The following STAG1 variants were observed in gnomAD, a reference collection of about 807,000 sequenced individuals.
STAG1 encodes the protein cohesin subunit SA-1.
A neutral mutation model predicts 170.9 loss-of-function variants in STAG1; 26 were observed. That is an observed-to-expected ratio of 0.15 (90% CI 0.11 to 0.21). STAG1 has a LOEUF of 0.21. Among genes scored for constraint, STAG1 ranks in the 10% least tolerant of loss-of-function variants. STAG1 has a pLI of 1.00. For missense variants in STAG1, 964 were observed against 1,509.5 expected, an observed-to-expected ratio of 0.64 and a Z score of 5.99; for synonymous variants, 514 against 497.7, an observed-to-expected ratio of 1.03 and a Z score of -0.44.
chr3:136,529,216 G>A (rs1385691764), intron 6 of STAG1, among the ~76,000 whole-genome samples: 1 of 152,070 alleles, frequency 6.6e-6, no homozygotes, highest in Non-Finnish European at 1.5e-5. Flanking sequence ...AAGACAGAAT[G>A]AAAGCATTTT....
chr3:136,451,128 C>T (rs2088926540), intron 14 of STAG1, among the ~76,000 whole-genome samples: 1 of 151,138 alleles, frequency 6.6e-6, no homozygotes, highest in African/African-American at 2.4e-5. Flanking sequence ...ACTGTTTCTC[C>T]AATGACACGG....
intron 27 of STAG1, 105 bp from the exon 28 acceptor site, chr3:136,357,953 G>A: frequency 1.1e-6 from 1 of 938,550 alleles, no homozygotes; most frequent in African/African-American, 1.7e-5. Context: ...ATCACAAAAG[G>A]TAGTAAAATC....
chr3:136,391,838 C>T (rs2087019007), intron 22 of STAG1, among the ~76,000 whole-genome samples: 1 of 152,210 alleles, frequency 6.6e-6, no homozygotes, highest in Non-Finnish European at 1.5e-5. Context: ...TTAGCATAAC[C>T]TGTAAGACTG....
chr3:136,456,593 A>G (rs774807985), intron 13 of STAG1, among the ~76,000 whole-genome samples: 1 of 152,232 alleles, frequency 6.6e-6, no homozygotes, highest in African/African-American at 2.4e-5. Flanking sequence ...AAGCATATTA[A>G]AAGAGTAAGG....
rs1933354091 is a variant in STAG1, at chr3:136,722,650, C to G, written c.-84+29545G>C. Among the ~76,000 whole-genome samples the G allele has an allele frequency of 5.5e-5, 8 of 145,710 alleles. No individual in the cohort carries two copies. In the South Asian group the frequency reaches 1.6e-3, roughly 29 times the overall value. On this transcript the variant is annotated intron_variant, in intron 1 of 33. Coordinates refer to ENST00000383202, the MANE Select transcript of STAG1 (RefSeq NM_005862.3). ...TCCCTCTCCCTCTCCCCCTCCCTCT[C>G]CCCTCTCCCTTCTCCCCTCTCCCTC...
chr3:136,372,711 G>C (rs536192897), intron 23 of STAG1, among the ~76,000 whole-genome samples: 1 of 152,278 alleles, frequency 6.6e-6, no homozygotes, highest in East Asian at 1.9e-4. Context: ...CTTGATCATG[G>C]TGGATAAGCT....
chr3:136,579,376 G>A (rs938418876), intron 4 of STAG1, among the ~76,000 whole-genome samples: 3 of 147,296 alleles, frequency 2.0e-5, no homozygotes, highest in Non-Finnish European at 4.5e-5. Context: ...TGTGGATTCA[G>A]GAATCTGAAC....
At chr3:136,490,732 T>A (rs951408620) in intron 9 of STAG1, among the ~76,000 whole-genome samples, 5 of 152,208 alleles carry the variant, frequency 3.3e-5, no homozygotes, top group African/African-American at 1.2e-4. Flanking sequence ...TAAGAATAGC[T>A]CTGAAAATAT....
chr3:136,633,356 A>C (rs1329578304), intron 1 of STAG1, among the ~76,000 whole-genome samples: 1 of 152,252 alleles, frequency 6.6e-6, no homozygotes, highest in African/African-American at 2.4e-5. Flanking sequence ...TAAGACATTC[A>C]TAGAAAAATA....
At chr3:136,736,301 C>CT in intron 1 of STAG1, among the ~76,000 whole-genome samples, 1 of 152,180 alleles carries the variant, frequency 6.6e-6, no homozygotes, top group East Asian at 1.9e-4. Flanking sequence ...AGGGGAAGGC[C>CT]TTTTTTTAAA....
At chr3:136,434,878 T>G (rs1262913472) in intron 15 of STAG1, among the ~76,000 whole-genome samples, 1 of 152,208 alleles carries the variant, frequency 6.6e-6, no homozygotes, top group Non-Finnish European at 1.5e-5. Context: ...TTTAACCTAT[T>G]TGGCATTTAT....
chr3:136,653,508 T>A (rs1941283090), intron 1 of STAG1, among the ~76,000 whole-genome samples: 1 of 152,216 alleles, frequency 6.6e-6, no homozygotes, highest in African/African-American at 2.4e-5. Flanking sequence ...CTAACCCATT[T>A]ATATAACATT....
At chr3:136,381,024 G>GAAAAAAA (rs1196287485) in intron 22 of STAG1, among the ~76,000 whole-genome samples, 1 of 73,146 alleles carries the variant, frequency 1.4e-5, no homozygotes. Context: ...ACCCTGTCTC[G>GAAAAAAA]AAAAAAAAAA....
chr3:136,733,861 G>A (rs1225636298), intron 1 of STAG1, among the ~76,000 whole-genome samples: 7 of 152,178 alleles, frequency 4.6e-5, no homozygotes, highest in Non-Finnish European at 8.8e-5. Flanking sequence ...TAATCCCAGC[G>A]CTTCAGGAGG....
intron 7 of STAG1, among the ~76,000 whole-genome samples, chr3:136,508,370 G>A (rs1933875755): frequency 6.6e-6 from 1 of 152,072 alleles, no homozygotes; most frequent in African/African-American, 2.4e-5. Flanking sequence ...TTCTAGAGAG[G>A]AAATGTTTGC....
intron 1 of STAG1, among the ~76,000 whole-genome samples, chr3:136,697,309 T>A (rs1240420813): frequency 1.3e-5 from 2 of 152,190 alleles, no homozygotes; most frequent in African/African-American, 4.8e-5. Context: ...CAGGGTACAG[T>A]TCTCAAAGTG....
chr3:136,415,721 C>T (rs1480657553), intron 21 of STAG1, among the ~76,000 whole-genome samples: 1 of 152,134 alleles, frequency 6.6e-6, no homozygotes, highest in Non-Finnish European at 1.5e-5. Context: ...ACTCAGGCGG[C>T]CGAGGCGGAA....
intron 1 of STAG1, among the ~76,000 whole-genome samples, chr3:136,704,821 C>CAAAAAAAAAAAAAAAAAA (rs67207510): frequency 1.9e-5 from 1 of 51,424 alleles, no homozygotes; most frequent in Non-Finnish European, 3.6e-5. Context: ...GTCCCTGTCT[C>CAAAAAAAAAAAAAAAAAA]AAAAAAAAAA....
At chr3:136,583,115 C>G (rs554349427) in intron 4 of STAG1, among the ~76,000 whole-genome samples, 1 of 152,180 alleles carries the variant, frequency 6.6e-6, no homozygotes, top group African/African-American at 2.4e-5. Context: ...ACCTTAGCAT[C>G]TTATTAAAAG....
Sources: allele counts gnomAD v4.1 joint callset (sites outside exome capture counted in the v4.1 genomes callset), GRCh38; gene constraint gnomAD v4.1.1; transcripts MANE v1.5; gene names NCBI Gene and HGNC (gene_info 2026-07-23, HGNC 2026-07-21).